Variants in GALNT17 observed in about 807,000 individuals in gnomAD.
GALNT17 encodes the protein UDP-GalNAc:polypeptide N-acetylgalactosaminyltransferase-like 3.
A neutral mutation model predicts 63.7 loss-of-function variants in GALNT17; 29 were observed. The ratio of observed to expected loss-of-function variants is 0.46; its 90% CI spans 0.34 to 0.62. The LOEUF (loss-of-function observed/expected upper bound fraction) is 0.62. Ranked by LOEUF, GALNT17 falls within the 20% of genes least tolerant of loss-of-function variation. The pLI, the probability that GALNT17 is intolerant of heterozygous loss-of-function variation, is 0.01. For synonymous variants in GALNT17, 305 were observed against 318.3 expected, an observed-to-expected ratio of 0.96 and a Z score of 0.45; for missense variants, 603 against 799.6, an observed-to-expected ratio of 0.75 and a Z score of 2.97.
chr7:71,506,911 A>G (rs1788278285), intron 5 of GALNT17, among the ~76,000 whole-genome samples: 2 of 152,254 alleles, frequency 1.3e-5, no homozygotes, highest in African/African-American at 4.8e-5. Context: ...CAGCAACCTA[A>G]TAGTTGTAAT....
At chr7:71,230,238 A>G (rs1227708835) in intron 1 of GALNT17, among the ~76,000 whole-genome samples, 3 of 151,504 alleles carry the variant, frequency 2.0e-5, no homozygotes, top group African/African-American at 7.2e-5. Context: ...TCATTTCAGA[A>G]TACTTTCAGC....
intron 9 of GALNT17, among the ~76,000 whole-genome samples, chr7:71,679,500 C>A (rs1204464979): frequency 6.6e-6 from 1 of 152,180 alleles, no homozygotes; most frequent in African/African-American, 2.4e-5. Flanking sequence ...ACACAGGCAG[C>A]TGGTATGATG....
intron 1 of GALNT17, among the ~76,000 whole-genome samples, chr7:71,270,386 G>C (rs576715334): frequency 6.6e-6 from 1 of 151,896 alleles, no homozygotes; most frequent in East Asian, 1.9e-4. Context: ...TTAGCTGGGC[G>C]TGGTGGTGGG....
chr7:71,292,707 GTGTGTT>G (rs770406219), intron 1 of GALNT17, among the ~76,000 whole-genome samples: 41 of 141,138 alleles, frequency 2.9e-4, no homozygotes, highest in Non-Finnish European at 5.4e-4. Context: ...GTGTGTGTGT[GTGTGTT>G]GGGCAGATTT....
At chr7:71,687,708 G>A (rs1263139889) in intron 9 of GALNT17, among the ~76,000 whole-genome samples, 1 of 152,124 alleles carries the variant, frequency 6.6e-6, no homozygotes, top group Non-Finnish European at 1.5e-5. Flanking sequence ...TTGGGGGACT[G>A]AAGGCAGATA....
At chr7:71,403,107 G>T (rs187580083) in intron 3 of GALNT17, among the ~76,000 whole-genome samples, 353 of 152,288 alleles carry the variant, frequency 2.3e-3, no homozygotes, top group Non-Finnish European at 4.2e-3. Context: ...ATGAGAGTGT[G>T]TATCTTTACA....
intron 5 of GALNT17, among the ~76,000 whole-genome samples, chr7:71,537,311 A>G (rs889440630): frequency 6.6e-6 from 1 of 152,122 alleles, no homozygotes; most frequent in African/African-American, 2.4e-5. Context: ...TGGTAGGGTG[A>G]ATGGTGGCCC....
chr7:71,362,172 G>T (rs909899619), intron 2 of GALNT17, among the ~76,000 whole-genome samples: 8 of 152,098 alleles, frequency 5.3e-5, no homozygotes, highest in African/African-American at 1.9e-4. Context: ...TGGCCAGGCT[G>T]GTCTCGAACC....
intron 2 of GALNT17, among the ~76,000 whole-genome samples, chr7:71,370,720 A>G (rs768154102): frequency 6.6e-6 from 1 of 152,086 alleles, no homozygotes; most frequent in Non-Finnish European, 1.5e-5. Flanking sequence ...TGCCCACCTC[A>G]GCCTCCCAAA....
chr7:71,597,490 G>T (rs1002303997), intron 6 of GALNT17, among the ~76,000 whole-genome samples: 1 of 151,258 alleles, frequency 6.6e-6, no homozygotes, highest in African/African-American at 2.4e-5. Flanking sequence ...CCTGGGTGAT[G>T]GAGTGAATCC....
chr7:71,690,132 C>G (rs558024457), intron 9 of GALNT17, among the ~76,000 whole-genome samples: 1 of 151,632 alleles, frequency 6.6e-6, no homozygotes, highest in Non-Finnish European at 1.5e-5. Flanking sequence ...TCAGGCGAGT[C>G]TCCCGCCTCA....
chr7:71,191,369 T>C (rs2116338964), intron 1 of GALNT17, among the ~76,000 whole-genome samples: 2 of 149,646 alleles, frequency 1.3e-5, no homozygotes, highest in Middle Eastern at 6.8e-3. Flanking sequence ...TTTTTTTGCA[T>C]TTTTCTCAAG....
chr7:71,335,797 G>A (rs1192190909), intron 2 of GALNT17, 64 bp downstream of exon 2: 10 of 1,300,536 alleles, frequency 7.7e-6, no homozygotes, highest in African/African-American at 3.0e-5. Flanking sequence ...AGACCCCTAC[G>A]TTTGTGATAT....
chr7:71,262,285 A>T (rs1326120789), intron 1 of GALNT17, among the ~76,000 whole-genome samples: 5 of 151,142 alleles, frequency 3.3e-5, no homozygotes, highest in Non-Finnish European at 5.9e-5. Context: ...CTGATTTTTA[A>T]TTTTTTTTCT....
At chr7:71,561,189 T>C (rs534158422) in intron 5 of GALNT17, among the ~76,000 whole-genome samples, 1 of 152,136 alleles carries the variant, frequency 6.6e-6, no homozygotes, top group South Asian at 2.1e-4. Flanking sequence ...ATTTTTGTAT[T>C]TTTAGCAGAC....
At chr7:71,321,398 C>T (rs1583859292) in intron 1 of GALNT17, among the ~76,000 whole-genome samples, 2 of 152,258 alleles carry the variant, frequency 1.3e-5, no homozygotes, top group East Asian at 1.9e-4. Context: ...TTTATCTTCT[C>T]CTCACACAGG....
intron 1 of GALNT17, among the ~76,000 whole-genome samples, chr7:71,208,088 A>G (rs1789307721): frequency 1.3e-5 from 2 of 152,048 alleles, no homozygotes. Context: ...GTCATGCCAC[A>G]ACCATGACTG....
intron 6 of GALNT17, among the ~76,000 whole-genome samples, chr7:71,574,615 G>A (rs1442678292): frequency 2.6e-5 from 4 of 151,854 alleles, no homozygotes. Context: ...CAAAGGTCTG[G>A]GTTTGGAGTC....
chr7:71,575,541 ACCT>A, intron 6 of GALNT17, among the ~76,000 whole-genome samples: 1 of 151,860 alleles, frequency 6.6e-6, no homozygotes, highest in Admixed American at 6.6e-5. Context: ...GGTGCCTGCC[ACCT>A]CACCCGGCTA....
Sources: gnomAD v4.1 joint callset for allele counts (sites outside exome capture counted in the v4.1 genomes callset) on GRCh38, gnomAD v4.1.1 for gene constraint, MANE v1.5 for transcripts, NCBI Gene and HGNC (gene_info 2026-07-23, HGNC 2026-07-21) for gene names.